UNC13C: variants seen among roughly 807,000 people sequenced by gnomAD.
The protein encoded by UNC13C is protein unc-13 homolog C.
Under a neutral mutation model 245.4 loss-of-function variants are expected in UNC13C, and 174 were observed. The ratio of observed to expected loss-of-function variants is 0.71; its 90% confidence interval spans 0.63 to 0.80. UNC13C has a LOEUF of 0.80. Among genes scored for constraint, UNC13C ranks in the 30% least tolerant of loss-of-function variants. The pLI is 0.00. For synonymous variants in UNC13C, 992 were observed against 895.1 expected (o/e 1.11, Z -1.93); for missense variants, 2,829 against 2,602.9 (o/e 1.09, Z -1.89).
chr15:54,236,371 C>T (rs1329267376), intron 5 of UNC13C, 59 bp from the exon 6 acceptor site: 17 of 1,373,290 alleles, frequency 1.2e-5, no homozygotes, highest in Non-Finnish European at 1.7e-5. Flanking sequence ...TACTCTTTTC[C>T]TACCTTTCAT....
the UNC13C span, among the ~76,000 whole-genome samples, chr15:53,930,668 G>C: frequency 6.6e-6 from 1 of 152,212 alleles, no homozygotes; most frequent in East Asian, 1.9e-4. Context: ...TATTAGATCT[G>C]CCCCTTTGTA....
chr15:53,887,477 T>C, the UNC13C span, among the ~76,000 whole-genome samples: 1 of 152,198 alleles, frequency 6.6e-6, no homozygotes, highest in Non-Finnish European at 1.5e-5. Flanking sequence ...TAGATATACA[T>C]GGGATTTCAT....
chr15:54,624,935 G>A (rs542971246), intron 32 of UNC13C, among the ~76,000 whole-genome samples: 2 of 152,182 alleles, frequency 1.3e-5, no homozygotes, highest in African/African-American at 4.8e-5. Flanking sequence ...CCATACTTAT[G>A]CCTGAAAAGA....
chr15:54,304,254 C>A (rs906052624), intron 13 of UNC13C, among the ~76,000 whole-genome samples: 2 of 151,886 alleles, frequency 1.3e-5, no homozygotes, highest in Non-Finnish European at 2.9e-5. Flanking sequence ...GGCATGAGGG[C>A]CATAGATTCA....
chr15:54,437,418 T>C (rs930356200), intron 19 of UNC13C, among the ~76,000 whole-genome samples: 1 of 151,876 alleles, frequency 6.6e-6, no homozygotes, highest in Admixed American at 6.6e-5. Context: ...TCTCAAAACA[T>C]TGGGGCTTCT....
chr15:54,549,755 A>G (rs1313132221), intron 28 of UNC13C, 64 bp downstream of exon 28: 1 of 1,010,274 alleles, frequency 9.9e-7, no homozygotes, highest in Middle Eastern at 2.1e-4. Flanking sequence ...TTCTGCAAGC[A>G]TCCTCCTCCT....
intron 13 of UNC13C, among the ~76,000 whole-genome samples, chr15:54,306,745 T>C (rs1045474577): frequency 6.6e-6 from 1 of 151,970 alleles, no homozygotes; most frequent in African/African-American, 2.4e-5. Flanking sequence ...GCCTCTACAA[T>C]AGCAAAGGAG....
At chr15:54,389,721 T>C (rs1035902731) in intron 17 of UNC13C, among the ~76,000 whole-genome samples, 10 of 152,170 alleles carry the variant, frequency 6.6e-5, no homozygotes, top group African/African-American at 2.4e-4. Context: ...ACAGCCTGTC[T>C]TTGCATTTTT....
At chr15:54,632,531 G>A (rs1383597202), downstream of UNC13C, 3 of 152,136 alleles carry the variant, frequency 2.0e-5, no homozygotes, top group Non-Finnish European at 4.4e-5. Flanking sequence ...TTGAGTTAAG[G>A]TTCATCTATA....
At chr15:54,142,230 T>A (rs12593281) in intron 2 of UNC13C, among the ~76,000 whole-genome samples, 1 of 152,148 alleles carries the variant, frequency 6.6e-6, no homozygotes, top group Non-Finnish European at 1.5e-5. Flanking sequence ...TGTCCATGAG[T>A]AGCTGGACCT....
At chr15:53,940,269 C>G in the UNC13C span, among the ~76,000 whole-genome samples, 39 of 152,120 alleles carry the variant, frequency 2.6e-4, 1 homozygote, top group South Asian at 6.2e-4. Context: ...ACCGTTGTCC[C>G]TTTATGTTAA....
At chr15:54,204,306 G>GAAAAAAAAAAAAAAAAAAAAAAAA (rs71132787) in intron 4 of UNC13C, among the ~76,000 whole-genome samples, 1 of 124,870 alleles carries the variant, frequency 8.0e-6, no homozygotes, top group Non-Finnish European at 1.6e-5. Context: ...ATTAAAAATT[G>GAAAAAAAAAAAAAAAAAAAAAAAA]AAAAAAAAAA....
rs938158557 is a variant in UNC13C, at chr15:54,256,728, G to A, written c.3448+6284G>A. On this transcript the variant is annotated intron_variant, in intron 8 of 32. Coordinates refer to ENST00000260323, the MANE Select transcript of UNC13C (RefSeq NM_001080534.3). ...AAAGATAGAGTTTGGTACTATCTGCGGTTTCAGGTATTCCTGAAGGCTTTG... is the reference window on the plus strand; with the variant it reads ...AAAGATAGAGTTTGGTACTATCTGCAGTTTCAGGTATTCCTGAAGGCTTTG... 7.2e-5 allele frequency among the ~76,000 whole-genome samples: 11 copies of A among 152,188 alleles called. No individual in the cohort carries two copies. The South Asian group carries it at 1.0e-3, about 15-fold the overall frequency.
the UNC13C span, among the ~76,000 whole-genome samples, chr15:53,888,174 T>G: frequency 1.3e-5 from 2 of 152,174 alleles, no homozygotes; most frequent in Non-Finnish European, 1.5e-5. Context: ...CCACCAACAG[T>G]GTAAAAGTGT....
At chr15:54,069,764 T>C (rs184009746) in intron 2 of UNC13C, among the ~76,000 whole-genome samples, 65 of 152,328 alleles carry the variant, frequency 4.3e-4, no homozygotes, top group Admixed American at 2.0e-3. Context: ...TATGGTGAAG[T>C]AGATATACCT....
At chr15:54,428,356 TG>T (rs976122416) in intron 19 of UNC13C, among the ~76,000 whole-genome samples, 1 of 151,606 alleles carries the variant, frequency 6.6e-6, no homozygotes, top group African/African-American at 2.4e-5. Context: ...CTCATCCCTT[TG>T]GGACAATCGC....
At chr15:54,591,003 G>C (rs899527675) in intron 30 of UNC13C, among the ~76,000 whole-genome samples, 3 of 152,076 alleles carry the variant, frequency 2.0e-5, no homozygotes, top group African/African-American at 4.8e-5. Context: ...AATCATAAAG[G>C]GATGCTGGAT....
intron 2 of UNC13C, among the ~76,000 whole-genome samples, chr15:54,119,947 T>C (rs537649190): frequency 6.6e-6 from 1 of 152,174 alleles, no homozygotes; most frequent in African/African-American, 2.4e-5. Flanking sequence ...GAAGAAAAGT[T>C]TGAAGTTGGA....
chr15:54,511,657 C>A, intron 23 of UNC13C, 96 bp from the exon 24 acceptor site: 3 of 804,568 alleles, frequency 3.7e-6, no homozygotes, highest in Non-Finnish European at 6.0e-6. Flanking sequence ...TAATAGGAAT[C>A]CAAGATAGCT....
Sources: allele counts gnomAD v4.1 joint callset (sites outside exome capture counted in the v4.1 genomes callset), GRCh38; gene constraint gnomAD v4.1.1; transcripts MANE v1.5; gene names NCBI Gene and HGNC (gene_info 2026-07-23, HGNC 2026-07-21).